PCDHA13: variants seen among roughly 807,000 people sequenced by gnomAD.
PCDHA13 encodes the protein protocadherin alpha 13, also known as protocadherin alpha-13.
In PCDHA13, 54 loss-of-function variants were observed where a neutral mutation model predicts 64.8. The ratio of observed to expected loss-of-function variants is 0.83; its 90% CI spans 0.67 to 1.04. The LOEUF (loss-of-function observed/expected upper bound fraction) is 1.04, where lower values mean the gene tolerates loss of function less well. Among genes scored for constraint, PCDHA13 ranks in the 50% least tolerant of loss-of-function variants. PCDHA13 has a pLI of 0.00. For missense variants in PCDHA13, 1,248 were observed against 1,254.3 expected (o/e 0.99, Z 0.08); for synonymous variants, 587 against 564.4 (o/e 1.04, Z -0.57).
At chr5:140,902,989 T>G (rs1350698990) in intron 1 of PCDHA13, among the ~76,000 whole-genome samples, 1 of 152,238 alleles carries the variant, frequency 6.6e-6, no homozygotes, top group East Asian at 1.9e-4. Context: ...GGTTCCATAT[T>G]TTTGCAATTG....
chr5:140,988,512 T>TCC (rs2097301181), intron 3 of PCDHA13, among the ~76,000 whole-genome samples: 1 of 152,218 alleles, frequency 6.6e-6, no homozygotes, highest in Non-Finnish European at 1.5e-5. Flanking sequence ...TGAAGCTTAC[T>TCC]TAAGTCTCTG....
intron 3 of PCDHA13, among the ~76,000 whole-genome samples, chr5:140,988,428 G>A (rs1186229744): frequency 6.6e-6 from 1 of 152,160 alleles, no homozygotes; most frequent in Non-Finnish European, 1.5e-5. Context: ...GAATTTGTTT[G>A]TTTTGGATTG....
intron 1 of PCDHA13, among the ~76,000 whole-genome samples, chr5:140,960,541 C>G (rs1200507322): frequency 6.6e-6 from 1 of 151,924 alleles, no homozygotes; most frequent in African/African-American, 2.4e-5. Context: ...GAAACTGTGG[C>G]CTTCATATAG....
intron 1 of PCDHA13, chr5:140,929,216 A>G: frequency 6.2e-7 from 1 of 1,614,100 alleles, no homozygotes; most frequent in Non-Finnish European, 8.5e-7. Flanking sequence ...CGTGGGGAGT[A>G]CAATGCTGCC....
chr5:140,984,982 G>A lies in PCDHA13; in HGVS notation c.2542+2419G>A, dbSNP rs544151858. On this transcript the variant is annotated intron_variant, in intron 3 of 3. Coordinates refer to ENST00000289272, the MANE Select transcript of PCDHA13 (RefSeq NM_018904.3). ...AGACAGAGTCTCGCTCTGTCCCCCA[G>A]GCTGGAGTCCAGTGGCACGATATCG... Among the ~76,000 whole-genome samples the A allele has an allele frequency of 1.1e-3, 174 of 152,116 alleles. 2 individuals are homozygous for A. In the South Asian group the frequency reaches 0.016, roughly 14 times the overall value.
At chr5:140,887,770 G>A (rs2061571546) in intron 1 of PCDHA13, among the ~76,000 whole-genome samples, 2 of 152,072 alleles carry the variant, frequency 1.3e-5, no homozygotes, top group South Asian at 4.1e-4. Flanking sequence ...ATGTTACAAT[G>A]ACACAGGTCA....
intron 1 of PCDHA13, among the ~76,000 whole-genome samples, chr5:140,921,151 ATT>A (rs11299094): frequency 0.33 from 49,606 of 151,532 alleles, 8,413 homozygotes; most frequent in East Asian, 0.53. Flanking sequence ...CAGCTAATGC[ATT>A]TTTTTTTTAA....
chr5:140,918,786 A>T (rs2078853629), intron 1 of PCDHA13, among the ~76,000 whole-genome samples: 1 of 147,002 alleles, frequency 6.8e-6, no homozygotes, highest in African/African-American at 2.6e-5. Context: ...ATGTGAGGAC[A>T]CAGCAAAAAT....
At chr5:140,937,869 G>A (rs1268422806) in intron 1 of PCDHA13, among the ~76,000 whole-genome samples, 1 of 150,376 alleles carries the variant, frequency 6.6e-6, no homozygotes, top group African/African-American at 2.5e-5. Flanking sequence ...CCGAGATCGC[G>A]CCACTGCACT....
At chr5:140,967,939 C>T in intron 1 of PCDHA13, 1 of 1,614,188 alleles carries the variant, frequency 6.2e-7, no homozygotes, top group Non-Finnish European at 8.5e-7. Context: ...GTGTCAATGA[C>T]CAAGACTCAG....
intron 1 of PCDHA13, among the ~76,000 whole-genome samples, chr5:140,937,334 G>T (rs1459343291): frequency 3.3e-5 from 5 of 152,092 alleles, no homozygotes; most frequent in African/African-American, 1.2e-4. Flanking sequence ...ACCGCGCCCG[G>T]CTTCTTCCAT....
rs1554179777 is a variant in PCDHA13 at position 140,883,759 on chromosome 5, G to A, written c.1491G>A (p.Arg497=). 6.2e-7 allele frequency: 1 copy of A among 1,612,704 alleles called. No homozygotes were observed. The highest frequency in any genetic ancestry group is 1.3e-5 in the African/African-American group (1 of 74,886). The change falls in exon 1 of 4, where the codon CGG becomes CGA. Residue 497 remains arginine (R), a synonymous_variant. Coordinates refer to ENST00000289272, the MANE Select transcript of PCDHA13 (RefSeq NM_018904.3). ...TGGTCTCCTACTCGCTGGTGGAGCG[G>A]CGGGTGGGCGAGCGTGCGCTGTCGA... ...NALVSYSLVE[R]RVGERALSSY...
intron 1 of PCDHA13, among the ~76,000 whole-genome samples, chr5:140,936,673 A>G (rs77819967): frequency 0.018 from 2,748 of 152,254 alleles, 64 homozygotes; most frequent in South Asian, 0.1. Context: ...TGGACTGTCT[A>G]TTCTGTTTCA....
intron 1 of PCDHA13, chr5:140,967,369 G>A (rs147557274): frequency 2.4e-5 from 38 of 1,607,564 alleles, no homozygotes; most frequent in Non-Finnish European, 2.9e-5. Context: ...AGCCCCTGCA[G>A]GAGAACAGTA....
intron 2 of PCDHA13, among the ~76,000 whole-genome samples, chr5:140,981,175 T>C (rs1350828084): frequency 6.6e-6 from 1 of 152,238 alleles, no homozygotes; most frequent in African/African-American, 2.4e-5. Context: ...TTCCCTCTAA[T>C]AGTTCAAGTT....
At chr5:141,007,161 G>C (rs2098308747) in intron 3 of PCDHA13, among the ~76,000 whole-genome samples, 1 of 152,146 alleles carries the variant, frequency 6.6e-6, no homozygotes, top group Non-Finnish European at 1.5e-5. Context: ...TCAAAGAACA[G>C]TCAGAGAGAA....
At chr5:140,894,740 A>AT (rs1157881854) in intron 1 of PCDHA13, among the ~76,000 whole-genome samples, 7 of 151,086 alleles carry the variant, frequency 4.6e-5, no homozygotes, top group Middle Eastern at 3.4e-3. Flanking sequence ...AATTTGTGGA[A>AT]TTTTTTTTCT....
At chr5:140,952,161 G>A (rs1002170545) in intron 1 of PCDHA13, among the ~76,000 whole-genome samples, 1 of 152,046 alleles carries the variant, frequency 6.6e-6, no homozygotes, top group Non-Finnish European at 1.5e-5. Flanking sequence ...GCTTTGTGGG[G>A]TTCAGTTCCT....
intron 3 of PCDHA13, among the ~76,000 whole-genome samples, chr5:140,984,164 A>T (rs1471799520): frequency 6.6e-6 from 1 of 152,208 alleles, no homozygotes; most frequent in African/African-American, 2.4e-5. Flanking sequence ...GAACTTCCCA[A>T]AGAAGCCACG....
Sources: allele counts gnomAD v4.1 joint callset (sites outside exome capture counted in the v4.1 genomes callset), GRCh38; gene constraint gnomAD v4.1.1; transcripts MANE v1.5; gene names NCBI Gene and HGNC (gene_info 2026-07-23, HGNC 2026-07-21).